Variants in POLD3 observed in about 807,000 individuals in gnomAD.
POLD3 encodes DNA polymerase delta 3, accessory subunit, also known as DNA polymerase delta subunit 3.
A neutral mutation model predicts 58.2 loss-of-function variants in POLD3; 19 were observed. That is an observed-to-expected ratio of 0.33 (90% CI 0.23 to 0.48). The LOEUF is 0.48. Among genes scored for constraint, POLD3 ranks in the 20% least tolerant of loss-of-function variants. The pLI, the probability that POLD3 is intolerant of heterozygous loss-of-function variation, is 0.99. For synonymous variants in POLD3, 172 were observed against 193.5 expected (o/e 0.89, Z 0.92); for missense variants, 504 against 545.5 (o/e 0.92, Z 0.76).
chr11:74,618,758 A>T lies in POLD3; in HGVS notation c.614A>T (p.Gln205Leu), dbSNP rs760666851. ...GCCTCCAAAGCTGCTGCTAAAACCC[A>T]AGAAACCAACAAGGAAACGAAAACA... is the stretch of plus-strand genomic sequence containing the variant. ...MFASKAAAKT[Q>L]ETNKETKTEA... The change falls in exon 6 of 12, where the codon CAA becomes CTA. Residue 205 changes from glutamine (Q) to leucine (L), a missense_variant. Coordinates refer to ENST00000263681, the MANE Select transcript of POLD3 (RefSeq NM_006591.3). The T allele has an allele frequency of 1.2e-6, 2 of 1,614,048 alleles. No individual in the cohort carries two copies. Among genetic ancestry groups the T allele is most frequent in the Non-Finnish European group, 1.7e-6 (2 of 1,179,894 alleles).
intron 6 of POLD3, 68 bp from the exon 7 acceptor site, chr11:74,619,949 T>C (rs1418336063): frequency 2.4e-6 from 3 of 1,247,480 alleles, no homozygotes; most frequent in Admixed American, 1.7e-5. Context: ...AAGAGTTTGT[T>C]TGAGACTGCT....
intron 7 of POLD3, among the ~76,000 whole-genome samples, chr11:74,622,942 G>T (rs1459009166): frequency 6.6e-6 from 1 of 152,210 alleles, no homozygotes; most frequent in Non-Finnish European, 1.5e-5. Context: ...CCAAAAGTCT[G>T]TCATCTGATG....
At chr11:74,647,861 C>G (rs1331792251), downstream of POLD3, among the ~76,000 whole-genome samples, 2 of 152,116 alleles carry the variant, frequency 1.3e-5, no homozygotes, top group Non-Finnish European at 2.9e-5. Context: ...AGGAGAGAGA[C>G]AGACAAATAT....
At chr11:74,647,782 G>A (rs184395260), downstream of POLD3, among the ~76,000 whole-genome samples, 2 of 152,252 alleles carry the variant, frequency 1.3e-5, no homozygotes, top group Admixed American at 6.5e-5. Flanking sequence ...TGTGTACCCA[G>A]CACTGGTGCA....
intron 7 of POLD3, 109 bp downstream of exon 7, chr11:74,620,198 A>G (rs2032210532): frequency 1.3e-6 from 1 of 780,654 alleles, no homozygotes; most frequent in South Asian, 1.5e-5. Context: ...CCAAGAGACT[A>G]CCTGCATTCT....
chr11:74,613,074 T>C, intron 5 of POLD3, 64 bp downstream of exon 5: 1 of 1,463,286 alleles, frequency 6.8e-7, no homozygotes, highest in Non-Finnish European at 9.3e-7. Flanking sequence ...GTTTACACAG[T>C]GGCTGCCTCT....
intron 3 of POLD3, among the ~76,000 whole-genome samples, chr11:74,607,210 C>T (rs981500926): frequency 6.7e-6 from 1 of 149,602 alleles, no homozygotes; most frequent in Non-Finnish European, 1.5e-5. Flanking sequence ...AAAGACATTA[C>T]GCAGCTTTGT....
chr11:74,645,815 A>G (rs550566589), downstream of POLD3, among the ~76,000 whole-genome samples: 3 of 152,286 alleles, frequency 2.0e-5, no homozygotes, highest in African/African-American at 4.8e-5. Flanking sequence ...TAACCTGCCC[A>G]AGGTCAGAGC....
In POLD3 at chr11:74,642,898, A is replaced by G; in HGVS notation, c.*2132A>G. On this transcript the variant is annotated 3_prime_UTR_variant, in exon 12 of 12. Coordinates refer to ENST00000263681, the MANE Select transcript of POLD3 (RefSeq NM_006591.3). Reference sequence around the variant, plus strand: ...TGCTGCCTTCATCGTTTTTTTCAGCACTGGGGAAATGTTAGTTTCAGCCAA... The same window carrying G: ...TGCTGCCTTCATCGTTTTTTTCAGCGCTGGGGAAATGTTAGTTTCAGCCAA... 1.0e-6 allele frequency: 1 copy of G among 985,256 alleles called. No individual in the cohort carries two copies. The highest frequency in any genetic ancestry group is 1.2e-6 in the Non-Finnish European group (1 of 829,808). 61.0% of individuals were successfully genotyped at this position (985,256 alleles called of 1,614,324 possible).
chr11:74,655,676 C>T (rs1315142218), intron 4 of POLD3, among the ~76,000 whole-genome samples: 1 of 147,426 alleles, frequency 6.8e-6, no homozygotes, highest in Non-Finnish European at 1.5e-5. Flanking sequence ...AAAAAAAGAA[C>T]ACTTTTCAAA....
chr11:74,636,367 C>A, intron 11 of POLD3, 92 bp downstream of exon 11: 2 of 1,234,164 alleles, frequency 1.6e-6, no homozygotes, highest in Non-Finnish European at 2.3e-6. Flanking sequence ...ACATCTCAAA[C>A]TTTAATTTAC....
chr11:74,651,472 AAGG>A (rs2033067729), intron 4 of POLD3, among the ~76,000 whole-genome samples: 1 of 152,096 alleles, frequency 6.6e-6, no homozygotes, highest in African/African-American at 2.4e-5. Flanking sequence ...ACGTGCTCTC[AAGG>A]AGTTTTGAAA....
chr11:74,628,006 T>G (rs1032189818), intron 8 of POLD3, among the ~76,000 whole-genome samples: 1 of 152,148 alleles, frequency 6.6e-6, no homozygotes, highest in African/African-American at 2.4e-5. Flanking sequence ...ATTTTATTTG[T>G]GGGAAAGGTT....
intron 7 of POLD3, among the ~76,000 whole-genome samples, chr11:74,621,508 G>A (rs2032257201): frequency 6.7e-6 from 1 of 150,172 alleles, no homozygotes. Context: ...AAAGCATCAT[G>A]CTGTCACTGA....
intron 11 of POLD3, among the ~76,000 whole-genome samples, chr11:74,636,972 AAG>A (rs766986342): frequency 1.1e-4 from 17 of 152,130 alleles, no homozygotes; most frequent in Admixed American, 3.3e-4. Flanking sequence ...TGGAGCTTTT[AAG>A]ATTTAGCACT....
chr11:74,656,501 C>T (rs1190852100), intron 4 of POLD3, among the ~76,000 whole-genome samples: 4 of 152,078 alleles, frequency 2.6e-5, no homozygotes, highest in South Asian at 2.1e-4. Context: ...TCAGGAGAAT[C>T]GCTTGAACCC....
At chr11:74,656,771 G>A (rs1439325626) in intron 4 of POLD3, among the ~76,000 whole-genome samples, 1 of 149,690 alleles carries the variant, frequency 6.7e-6, no homozygotes, top group Non-Finnish European at 1.5e-5. Flanking sequence ...AAGGTTATAA[G>A]ATTTGTTTTG....
At chr11:74,616,391 GGATT>G (rs2032080096) in intron 5 of POLD3, among the ~76,000 whole-genome samples, 1 of 152,196 alleles carries the variant, frequency 6.6e-6, no homozygotes, top group Non-Finnish European at 1.5e-5. Context: ...TGAAATTTTA[GGATT>G]GAGCAGAGAT....
intron 11 of POLD3, among the ~76,000 whole-genome samples, chr11:74,637,806 C>CT (rs11354555): frequency 0.25 from 35,738 of 143,652 alleles, 4,591 homozygotes; most frequent in South Asian, 0.4. Context: ...TCACATTGCA[C>CT]TTTTTTTTTT....
Sources: allele counts gnomAD v4.1 joint callset (sites outside exome capture counted in the v4.1 genomes callset), GRCh38; gene constraint gnomAD v4.1.1; transcripts MANE v1.5; gene names NCBI Gene and HGNC (gene_info 2026-07-23, HGNC 2026-07-21).